The following SIDT1 variants were observed in gnomAD, a reference collection of about 807,000 sequenced individuals.
The protein encoded by SIDT1 is SID1 transmembrane family member 1, also known as SID1 transmembrane family, member 1.
A neutral mutation model predicts 107.5 loss-of-function variants in SIDT1; 101 were observed. The observed-to-expected ratio is 0.94, with a 90% CI of 0.80 to 1.11. The LOEUF (loss-of-function observed/expected upper bound fraction) is 1.11. SIDT1 is among the 50% of genes least tolerant of loss of function. SIDT1 has a pLI of 0.00. For synonymous variants in SIDT1, 395 were observed against 398.2 expected (o/e 0.99, Z 0.10); for missense variants, 1,076 against 1,058.2 (o/e 1.02, Z -0.23).
intron 1 of SIDT1, among the ~76,000 whole-genome samples, chr3:113,560,070 A>G (rs1206709384): frequency 1.3e-5 from 2 of 152,112 alleles, no homozygotes; most frequent in African/African-American, 2.4e-5. Flanking sequence ...ATCGCTGAGT[A>G]TCCTTGGAGA....
Position 113,627,898 on chromosome 3 carries a change from C to A in SIDT1, c.*190C>A. On this transcript the variant is annotated 3_prime_UTR_variant, in exon 25 of 25. Coordinates refer to ENST00000264852, the MANE Select transcript of SIDT1 (RefSeq NM_017699.3). Reference sequence around the variant, plus strand: ...TGCAAGAAAGGAGGCAGAAGGGGAGCCATGTTTTGAGGACAGACGCAAACC... The same window carrying A: ...TGCAAGAAAGGAGGCAGAAGGGGAGACATGTTTTGAGGACAGACGCAAACC... The A allele has an allele frequency of 8.3e-6, 5 of 601,092 alleles. No homozygotes were observed. The highest frequency in any genetic ancestry group is 6.0e-5 in the South Asian group (3 of 49,668). 37.2% of individuals were successfully genotyped at this position (601,092 alleles called of 1,614,324 possible).
intron 19 of SIDT1, among the ~76,000 whole-genome samples, chr3:113,612,545 T>C (rs1285546636): frequency 6.6e-6 from 1 of 152,212 alleles, no homozygotes; most frequent in Non-Finnish European, 1.5e-5. Context: ...AGAGGAACAT[T>C]TTTCAGTTTG....
At position 113,626,322 on chromosome 3, in the gene SIDT1, T is replaced by G. The variant is rs1315649328; in HGVS notation, c.2421+107T>G. ...TTTTTATATTCCTCTCTAATTTTAC[T>G]TTCCATTTCCTCCTTGTAATTCAAT... On this transcript the variant is annotated intron_variant, in intron 24 of 24. Coordinates refer to ENST00000264852, the MANE Select transcript of SIDT1 (RefSeq NM_017699.3). The G allele has an allele frequency of 8.7e-6, 6 of 692,418 alleles. No individual in the cohort carries two copies. In the Admixed American group the frequency reaches 1.7e-4, roughly 19 times the overall value. 42.9% of individuals were successfully genotyped at this position (692,418 alleles called of 1,614,324 possible).
intron 22 of SIDT1, 30 bp downstream of exon 22, chr3:113,623,562 C>A: frequency 6.2e-7 from 1 of 1,600,496 alleles, no homozygotes; most frequent in African/African-American, 1.3e-5. Context: ...GCGGCTACCT[C>A]GGGCCCTCGG....
chr3:113,562,570 C>A (rs911362323), intron 1 of SIDT1, among the ~76,000 whole-genome samples: 2 of 152,164 alleles, frequency 1.3e-5, no homozygotes, highest in African/African-American at 4.8e-5. Flanking sequence ...CATGCTACAA[C>A]ATGAATGAAC....
chr3:113,582,456 C>G (rs1359958633), intron 6 of SIDT1, among the ~76,000 whole-genome samples: 2 of 152,166 alleles, frequency 1.3e-5, no homozygotes, highest in Non-Finnish European at 2.9e-5. Context: ...CAAATATCTG[C>G]TCTTGTTTTT....
At chr3:113,541,665 C>A (rs1938886626) in intron 1 of SIDT1, among the ~76,000 whole-genome samples, 1 of 152,172 alleles carries the variant, frequency 6.6e-6, no homozygotes. Flanking sequence ...GAACCATATT[C>A]TCACTTTCAT....
intron 1 of SIDT1, among the ~76,000 whole-genome samples, chr3:113,549,044 A>G (rs1939917126): frequency 6.6e-6 from 1 of 152,186 alleles, no homozygotes; most frequent in South Asian, 2.1e-4. Context: ...AGCAAAATGT[A>G]AAACATTAAG....
At chr3:113,554,939 C>G (rs139454071) in intron 1 of SIDT1, among the ~76,000 whole-genome samples, 25 of 152,310 alleles carry the variant, frequency 1.6e-4, no homozygotes, top group Non-Finnish European at 2.8e-4. Context: ...GCAACTGAGG[C>G]AACATTGAGT....
intron 10 of SIDT1, chr3:113,601,257 G>A (rs1016261976): frequency 1.0e-5 from 2 of 190,740 alleles, no homozygotes; most frequent in Non-Finnish European, 2.1e-5. Flanking sequence ...TCCACCAATG[G>A]AAATGATGGC....
intron 6 of SIDT1, among the ~76,000 whole-genome samples, chr3:113,582,385 G>T (rs577057112): frequency 6.6e-6 from 1 of 152,042 alleles, no homozygotes; most frequent in East Asian, 1.9e-4. Context: ...TTATAATTTA[G>T]GTATGAGACC....
rs11922378 is a variant in SIDT1, at chr3:113,557,862, C to T, written c.223-8558C>T. 2.8e-3 allele frequency among the ~76,000 whole-genome samples: 433 copies of T among 152,258 alleles called. 1 individual carries two copies. The highest frequency in any genetic ancestry group is 9.8e-3 in the African/African-American group (409 of 41,540). On this transcript the variant is annotated intron_variant, in intron 1 of 24. Coordinates refer to ENST00000264852, the MANE Select transcript of SIDT1 (RefSeq NM_017699.3). Reference sequence around the variant, plus strand: ...ATGTAATACCAACTTCACCTGGGTCCCCTGGCTATATTTCTTTTCCAGGGC... The same window carrying T: ...ATGTAATACCAACTTCACCTGGGTCTCCTGGCTATATTTCTTTTCCAGGGC...
At chr3:113,562,566 A>G (rs879896002) in intron 1 of SIDT1, among the ~76,000 whole-genome samples, 4 of 152,270 alleles carry the variant, frequency 2.6e-5, no homozygotes, top group African/African-American at 7.2e-5. Context: ...GATACATGCT[A>G]CAACATGAAT....
intron 21 of SIDT1, among the ~76,000 whole-genome samples, chr3:113,622,847 A>G (rs1946560002): frequency 6.6e-6 from 1 of 152,188 alleles, no homozygotes; most frequent in Non-Finnish European, 1.5e-5. Context: ...GGAACTTTAC[A>G]TGGTTGTTAG....
intron 23 of SIDT1, among the ~76,000 whole-genome samples, chr3:113,625,384 C>A (rs1217412296): frequency 6.6e-6 from 1 of 152,170 alleles, no homozygotes; most frequent in Non-Finnish European, 1.5e-5. Context: ...GGCGATCCAC[C>A]TGCCTCTGCC....
intron 21 of SIDT1, among the ~76,000 whole-genome samples, chr3:113,623,051 A>T (rs1048876870): frequency 6.6e-6 from 1 of 151,788 alleles, no homozygotes; most frequent in African/African-American, 2.4e-5. Flanking sequence ...GTTAGCTGGA[A>T]GTGGTGGCAT....
chr3:113,622,815 G>A (rs1946557142), intron 21 of SIDT1, among the ~76,000 whole-genome samples: 1 of 152,172 alleles, frequency 6.6e-6, no homozygotes, highest in African/African-American at 2.4e-5. Context: ...AAAGATGATT[G>A]TTTACATTGC....
intron 9 of SIDT1, among the ~76,000 whole-genome samples, chr3:113,589,508 G>A (rs1267610474): frequency 1.3e-5 from 2 of 149,600 alleles, no homozygotes; most frequent in African/African-American, 4.9e-5. Context: ...TGAGAGTCAG[G>A]CCAAATTATA....
In SIDT1 at chr3:113,623,458, G is replaced by GACTTT; in HGVS notation, c.2123_2127dup (p.Ala710ThrfsTer24). 6.2e-7 allele frequency: 1 copy of GACTTT among 1,614,084 alleles called. No homozygotes were observed. Among genetic ancestry groups the GACTTT allele is most frequent in the Non-Finnish European group, 8.5e-7 (1 of 1,179,956 alleles). On this transcript the variant is annotated frameshift_variant, in exon 22 of 25. Transcript: ENST00000264852. LOFTEE classifies it high-confidence loss of function. ...CTTTGGATTGATATACCGCCCCAGGGACTTTGCTTCCTACATGCTGGGCAT... is the reference window on the plus strand; with the variant it reads ...CTTTGGATTGATATACCGCCCCAGGGACTTTACTTTGCTTCCTACATGCTGGGCAT...
Sources: allele counts gnomAD v4.1 joint callset (sites outside exome capture counted in the v4.1 genomes callset), GRCh38; gene constraint gnomAD v4.1.1; transcripts MANE v1.5; gene names NCBI Gene and HGNC (gene_info 2026-07-23, HGNC 2026-07-21).